The following GLT1D1 variants were observed in gnomAD, a reference collection of about 807,000 sequenced individuals.
GLT1D1 encodes the protein glycosyltransferase 1 domain-containing protein 1.
Under a neutral mutation model 28.7 loss-of-function variants are expected in GLT1D1, and 21 were observed. The ratio of observed to expected loss-of-function variants is 0.73; its 90% CI spans 0.52 to 1.05. The LOEUF is 1.05. Ranked by LOEUF, GLT1D1 falls within the 50% of genes least tolerant of loss-of-function variation. GLT1D1 has a pLI of 0.00. For synonymous variants in GLT1D1, 147 were observed against 124.8 expected (o/e 1.18, Z -1.19); for missense variants, 343 against 330.6 (o/e 1.04, Z -0.29).
At chr12:128,909,418 T>C (rs942093944) in intron 4 of GLT1D1, among the ~76,000 whole-genome samples, 6 of 152,182 alleles carry the variant, frequency 3.9e-5, no homozygotes, top group Non-Finnish European at 4.4e-5. Context: ...GCCCAATTTC[T>C]TTGTGTTTTG....
intron 7 of GLT1D1, among the ~76,000 whole-genome samples, chr12:128,979,196 G>A (rs922716055): frequency 6.6e-6 from 1 of 152,246 alleles, no homozygotes; most frequent in African/African-American, 2.4e-5. Context: ...GGAGAACAGG[G>A]TAACAGTGTT....
At chr12:128,980,545 G>A (rs1220117260) in intron 7 of GLT1D1, among the ~76,000 whole-genome samples, 1 of 152,138 alleles carries the variant, frequency 6.6e-6, no homozygotes, top group African/African-American at 2.4e-5. Context: ...GAGTGGCCTG[G>A]GGCCACTGGT....
chr12:128,945,465 T>A (rs1875948225), intron 5 of GLT1D1, 96 bp downstream of exon 9: 1 of 1,011,108 alleles, frequency 9.9e-7, no homozygotes, highest in African/African-American at 1.6e-5. Context: ...CAGGCACTAT[T>A]CCAAGCAGTT....
At chr12:128,897,870 G>A (rs1257571713) in intron 3 of GLT1D1, among the ~76,000 whole-genome samples, 1 of 151,852 alleles carries the variant, frequency 6.6e-6, no homozygotes, top group African/African-American at 2.4e-5. Flanking sequence ...GGGTTTCACG[G>A]TGTTAGCCAG....
chr12:128,963,930 G>A lies in GLT1D1; in HGVS notation c.639+6287G>A, dbSNP rs978251261. On this transcript the variant is annotated intron_variant, in intron 7 of 7. Coordinates refer to ENST00000281703, the MANE Select transcript of GLT1D1 (RefSeq NM_144669.3). ...AGCGACACCTGTCTTAGTCTGTTCC[G>A]GCTGCAGTAACAGAATACTATAGAC... Among the ~76,000 whole-genome samples, 29 of 152,208 alleles carry A rather than the reference G, an allele frequency of 1.9e-4. 1 individual carries two copies. Among genetic ancestry groups the A allele is most frequent in the Admixed American group, 7.2e-4 (11 of 15,280 alleles).
At chr12:128,964,899 G>A (rs1324022871) in intron 7 of GLT1D1, among the ~76,000 whole-genome samples, 1 of 152,186 alleles carries the variant, frequency 6.6e-6, no homozygotes, top group African/African-American at 2.4e-5. Flanking sequence ...AAAAGTTTAG[G>A]GGCGTGAGAG....
Position 128,982,965 on chromosome 12 carries a change from C to A in GLT1D1, c.676C>A (p.Pro226Thr). The change falls in exon 8 of 8, where the codon CCT becomes ACT. Residue 226 changes from proline to threonine, a missense_variant. By Grantham distance (38) the Pro-to-Thr change is conservative. Transcript: ENST00000281703. ...TCTGGCAAAGAGACTGGTTAGTGAT[C>A]CTGCATTAGAAAAGGAAATCGTAGT... 6.2e-7 allele frequency: 1 copy of A among 1,613,990 alleles called. No individual in the cohort carries two copies. Among genetic ancestry groups the A allele is most frequent in the Non-Finnish European group, 8.5e-7 (1 of 1,179,898 alleles).
At chr12:128,903,598 G>C (rs1870536272) in intron 4 of GLT1D1, among the ~76,000 whole-genome samples, 1 of 151,716 alleles carries the variant, frequency 6.6e-6, no homozygotes, top group African/African-American at 2.4e-5. Context: ...TGAGCTTCTT[G>C]AGAAAGGGAC....
At chr12:128,893,908 C>G (rs1217233706) in intron 3 of GLT1D1, among the ~76,000 whole-genome samples, 1 of 152,134 alleles carries the variant, frequency 6.6e-6, no homozygotes, top group Non-Finnish European at 1.5e-5. Context: ...TTAAGTTTCT[C>G]AGTTTTGAAG....
Position 128,933,298 on chromosome 12 carries a change from G to A in GLT1D1, c.376-12028G>A, listed in dbSNP as rs1874141307. Among the ~76,000 whole-genome samples, 5 of 152,402 alleles carry A rather than the reference G, an allele frequency of 3.3e-5. No individual in the cohort carries two copies. The Middle Eastern group carries it at 0.01, about 311-fold the overall frequency. On this transcript the variant is annotated intron_variant, in intron 4 of 7. Coordinates refer to ENST00000281703, the MANE Select transcript of GLT1D1 (RefSeq NM_144669.3). The stretch of plus-strand genomic sequence containing the variant: ...CGCAGGCGGCGCCCGTGCGCAGGCG[G>A]AGCCGAGTCCCGCGCATTTCACACG...
At chr12:128,885,730 G>C (rs988998686) in intron 2 of GLT1D1, among the ~76,000 whole-genome samples, 10 of 152,142 alleles carry the variant, frequency 6.6e-5, no homozygotes, top group African/African-American at 2.4e-4. Flanking sequence ...GTAAGAAAGG[G>C]CTGTCATCTT....
At chr12:128,891,190 T>C (rs780017988) in intron 3 of GLT1D1, among the ~76,000 whole-genome samples, 31 of 151,180 alleles carry the variant, frequency 2.1e-4, no homozygotes, top group Non-Finnish European at 3.7e-4. Flanking sequence ...CATGATCATA[T>C]GAAAATTGTG....
At chr12:128,855,770 T>C (rs1031337509) in intron 1 of GLT1D1, among the ~76,000 whole-genome samples, 1 of 112,404 alleles carries the variant, frequency 8.9e-6, no homozygotes, top group Non-Finnish European at 1.9e-5. Flanking sequence ...TTTTTTTTTT[T>C]GAGACAAAGC....
intron 7 of GLT1D1, among the ~76,000 whole-genome samples, chr12:128,965,731 A>AG (rs2135530587): frequency 4.2e-5 from 6 of 144,512 alleles, no homozygotes; most frequent in African/African-American, 1.0e-4. Flanking sequence ...AAAAAAAAAA[A>AG]AAAAGAAAAA....
At position 128,984,202 on chromosome 12, in the gene GLT1D1, C is replaced by T. The variant is rs763363733; in HGVS notation, c.*1112C>T. The T allele has an allele frequency of 3.3e-5, 5 of 152,218 alleles. No individual in the cohort carries two copies. The highest frequency in any genetic ancestry group is 1.2e-4 in the African/African-American group (5 of 41,434). The allele number at this position is 152,218 out of a possible 1,614,324, so 9.4% of individuals were successfully genotyped here. A position where few individuals can be genotyped will look rare whatever the true frequency, so the allele number is the denominator to read the frequency against. ...GCGAGAAGGCAAAGCCAGGGCAGGG[C>T]GTTGCTGTGGGAAGCGTTCGGTGAA... On this transcript the variant is annotated 3_prime_UTR_variant, in exon 8 of 8. Transcript: ENST00000281703.
intron 3 of GLT1D1, among the ~76,000 whole-genome samples, chr12:128,895,035 C>G (rs191244002): frequency 7.2e-5 from 11 of 152,116 alleles, no homozygotes; most frequent in Admixed American, 2.6e-4. Flanking sequence ...TTGACATGCT[C>G]TCATCATTCA....
chr12:128,856,916 G>A (rs1309011979), intron 1 of GLT1D1, among the ~76,000 whole-genome samples: 1 of 152,132 alleles, frequency 6.6e-6, no homozygotes, highest in African/African-American at 2.4e-5. Flanking sequence ...CATGAGCCAA[G>A]ATGGCGCCAC....
chr12:128,874,068 CTTTCTTTCTTTCTTT>C (rs1566090864), intron 1 of GLT1D1, among the ~76,000 whole-genome samples: 17 of 18,580 alleles, frequency 9.1e-4, no homozygotes, highest in African/African-American at 4.4e-3. Flanking sequence ...TCCTTTCTTT[CTTTCTTTCTTTCTTT>C]CTTTCTTTCT....
At chr12:128,922,638 A>G (rs1045296147) in intron 4 of GLT1D1, among the ~76,000 whole-genome samples, 1 of 152,158 alleles carries the variant, frequency 6.6e-6, no homozygotes, top group Non-Finnish European at 1.5e-5. Context: ...ATATTAAGGA[A>G]AGGGCCAGGT....
Sources: gnomAD v4.1 joint callset for allele counts (sites outside exome capture counted in the v4.1 genomes callset) on GRCh38, gnomAD v4.1.1 for gene constraint, MANE v1.5 for transcripts, NCBI Gene and HGNC (gene_info 2026-07-23, HGNC 2026-07-21) for gene names.